PIGL: variants seen among roughly 807,000 people sequenced by gnomAD.
The protein encoded by PIGL is N-acetylglucosaminyl-phosphatidylinositol de-N-acetylase.
A neutral mutation model predicts 31.1 loss-of-function variants in PIGL; 22 were observed. The ratio of observed to expected loss-of-function variants is 0.71; its 90% CI spans 0.51 to 1.01. The LOEUF is 1.01. PIGL is among the 50% of genes least tolerant of loss of function. The pLI is 0.00. For synonymous variants in PIGL, 131 were observed against 117.4 expected (o/e 1.12, Z -0.75); for missense variants, 302 against 315.9 (o/e 0.96, Z 0.33).
chr17:16,242,777 C>T (rs931984513), intron 2 of PIGL, among the ~76,000 whole-genome samples: 12 of 151,068 alleles, frequency 7.9e-5, no homozygotes, highest in Non-Finnish European at 5.9e-5. Context: ...CCACCATACC[C>T]GGCTAATTTT....
intron 2 of PIGL, among the ~76,000 whole-genome samples, chr17:16,260,048 T>C (rs990806997): frequency 4.6e-5 from 7 of 152,164 alleles, no homozygotes; most frequent in Admixed American, 3.3e-4. Context: ...AGGGCAGCAC[T>C]GATACACCAG....
At chr17:16,275,675 T>C (rs2092891950) in intron 2 of PIGL, among the ~76,000 whole-genome samples, 1 of 152,148 alleles carries the variant, frequency 6.6e-6, no homozygotes, top group Admixed American at 6.5e-5. Context: ...GGCAATGATA[T>C]TACTGCCTAT....
Position 16,317,856 on chromosome 17 carries a change from A to G in PIGL, c.608A>G (p.His203Arg). 1 of 1,614,104 alleles carries G rather than the reference A, an allele frequency of 6.2e-7. No homozygotes were observed. The highest frequency in any genetic ancestry group is 8.5e-7 in the Non-Finnish European group (1 of 1,180,046). ...CTGGATCTGCCCTTGTCTCTGCTTC[A>G]TACGCAGGATGTCCTCTTCGTGCTC... ...SLLDLPLSLL[H>R]TQDVLFVLNS... Residue 203 changes from histidine to arginine, a missense_variant, in exon 6 of 7, where the codon CAT becomes CGT. Coordinates refer to ENST00000225609, the MANE Select transcript of PIGL (RefSeq NM_004278.4).
At chr17:16,221,117 A>G (rs963647966) in intron 1 of PIGL, among the ~76,000 whole-genome samples, 1 of 152,214 alleles carries the variant, frequency 6.6e-6, no homozygotes. Context: ...ATGAAAGACA[A>G]TAAAAACATT....
chr17:16,285,513 C>T (rs113753685), intron 2 of PIGL, among the ~76,000 whole-genome samples: 93 of 151,742 alleles, frequency 6.1e-4, no homozygotes, highest in African/African-American at 2.2e-3. Context: ...TGAACCCGGG[C>T]GGCAGAGGTT....
intron 2 of PIGL, among the ~76,000 whole-genome samples, chr17:16,290,136 C>T (rs543544354): frequency 6.6e-6 from 1 of 150,392 alleles, no homozygotes; most frequent in South Asian, 2.1e-4. Context: ...CTCTGTTGCC[C>T]AGGCTGGAAT....
chr17:16,217,608 A>AC, intron 1 of PIGL, 147 bp downstream of exon 1: 58 of 626,188 alleles, frequency 9.3e-5, no homozygotes, highest in Admixed American at 3.8e-4. Context: ...CTCACAGCCT[A>AC]GGGACAGGAG....
chr17:16,316,922 G>T, intron 5 of PIGL: 1 of 1,348,332 alleles, frequency 7.4e-7, no homozygotes, highest in Non-Finnish European at 9.6e-7. Context: ...CTCTGGATGA[G>T]TGGGGAGGCC....
At chr17:16,238,149 T>G (rs889780044) in intron 2 of PIGL, among the ~76,000 whole-genome samples, 2 of 142,556 alleles carry the variant, frequency 1.4e-5, no homozygotes, top group East Asian at 4.2e-4. Context: ...TGAGCCGAGA[T>G]CGCGCCATTG....
intron 3 of PIGL, among the ~76,000 whole-genome samples, chr17:16,309,459 CAG>C (rs1490251521): frequency 1.3e-5 from 2 of 152,192 alleles, no homozygotes; most frequent in East Asian, 3.8e-4. Context: ...TAATCTGGTT[CAG>C]GATAGAAATA....
intron 2 of PIGL, among the ~76,000 whole-genome samples, chr17:16,241,587 T>C (rs1178870763): frequency 6.6e-6 from 1 of 151,776 alleles, no homozygotes; most frequent in East Asian, 1.9e-4. Flanking sequence ...AAAGAAAATC[T>C]TTGGGGTGAA....
chr17:16,221,654 C>G (rs178793), intron 1 of PIGL, among the ~76,000 whole-genome samples: 67,485 of 151,498 alleles, frequency 0.45, 16,088 homozygotes, highest in Middle Eastern at 0.58. Flanking sequence ...GAGTCTAGCT[C>G]TGTCTCCCAG....
intron 2 of PIGL, among the ~76,000 whole-genome samples, chr17:16,277,644 A>G (rs2092901237): frequency 6.6e-6 from 1 of 152,154 alleles, no homozygotes; most frequent in Non-Finnish European, 1.5e-5. Context: ...TAATGTCACA[A>G]TTTACAAAGT....
intron 2 of PIGL, among the ~76,000 whole-genome samples, chr17:16,252,337 G>A (rs908183251): frequency 6.6e-6 from 1 of 151,986 alleles, no homozygotes; most frequent in Non-Finnish European, 1.5e-5. Flanking sequence ...CTCCCAAACT[G>A]TTGGGATTAC....
At chr17:16,265,279 G>A (rs1417860912) in intron 2 of PIGL, among the ~76,000 whole-genome samples, 1 of 152,162 alleles carries the variant, frequency 6.6e-6, no homozygotes, top group African/African-American at 2.4e-5. Context: ...TCATAAATGG[G>A]TGGGGAGTGA....
intron 2 of PIGL, among the ~76,000 whole-genome samples, chr17:16,259,296 G>T (rs1328622327): frequency 6.9e-6 from 1 of 144,974 alleles, no homozygotes; most frequent in Non-Finnish European, 1.5e-5. Flanking sequence ...AAAAAAAAAA[G>T]AATAATACAT....
intron 2 of PIGL, among the ~76,000 whole-genome samples, chr17:16,297,628 A>G (rs572606616): frequency 6.6e-6 from 1 of 152,252 alleles, no homozygotes; most frequent in Admixed American, 6.5e-5. Flanking sequence ...TCAGGGGCTT[A>G]TGTTTTACAC....
chr17:16,292,781 C>A (rs971839959), intron 2 of PIGL, among the ~76,000 whole-genome samples: 5 of 152,292 alleles, frequency 3.3e-5, no homozygotes, highest in Non-Finnish European at 4.4e-5. Flanking sequence ...TCCCCAGAGT[C>A]CTTGCAGCTT....
chr17:16,313,964 G>A (rs951459919), intron 4 of PIGL, among the ~76,000 whole-genome samples: 1 of 152,168 alleles, frequency 6.6e-6, no homozygotes, highest in South Asian at 2.1e-4. Flanking sequence ...AGACTTTAAG[G>A]AATGAGTGCT....
Sources: gnomAD v4.1 joint callset for allele counts (sites outside exome capture counted in the v4.1 genomes callset) on GRCh38, gnomAD v4.1.1 for gene constraint, MANE v1.5 for transcripts, NCBI Gene and HGNC (gene_info 2026-07-23, HGNC 2026-07-21) for gene names.